UBAC2: variants seen among roughly 807,000 people sequenced by gnomAD.
UBAC2 encodes the protein ubiquitin-associated domain-containing protein 2.
A neutral mutation model predicts 44.0 loss-of-function variants in UBAC2; 26 were observed. That is an observed-to-expected ratio of 0.59 (90% CI 0.43 to 0.82). The LOEUF is 0.82. Among genes scored for constraint, UBAC2 ranks in the 40% least tolerant of loss-of-function variants. UBAC2 has a pLI of 0.00. For missense variants in UBAC2, 329 were observed against 419.4 expected (o/e 0.78, Z 1.88); for synonymous variants, 155 against 154.3 (o/e 1.00, Z -0.04).
chr13:99,233,057 T>C (rs1225907864), intron 1 of UBAC2, among the ~76,000 whole-genome samples: 4 of 152,176 alleles, frequency 2.6e-5, no homozygotes, highest in Non-Finnish European at 4.4e-5. Flanking sequence ...CTGAAAGAGC[T>C]AGAAGCATTG....
rs115297360 is a variant in UBAC2, at chr13:99,331,702, C to A, written c.562-8618C>A. 5.4e-3 allele frequency among the ~76,000 whole-genome samples: 821 copies of A among 152,286 alleles called. 6 individuals are homozygous for A. The highest frequency in any genetic ancestry group is 0.015 in the African/African-American group (643 of 41,536). Reference sequence around the variant, plus strand: ...TCTTTTCAAAATGTATGACAAATGGCAGAAATAACTTTGGGAATCCCTAAT... The same window carrying A: ...TCTTTTCAAAATGTATGACAAATGGAAGAAATAACTTTGGGAATCCCTAAT... On this transcript the variant is annotated intron_variant, in intron 6 of 8. Coordinates refer to ENST00000403766, the MANE Select transcript of UBAC2 (RefSeq NM_001144072.2).
chr13:99,274,176 C>T (rs1381112508), intron 4 of UBAC2, among the ~76,000 whole-genome samples: 1 of 152,118 alleles, frequency 6.6e-6, no homozygotes, highest in Non-Finnish European at 1.5e-5. Flanking sequence ...TGTTTTTAAA[C>T]TTTACATAAT....
intron 4 of UBAC2, among the ~76,000 whole-genome samples, chr13:99,288,243 G>A (rs1438999067): frequency 1.3e-5 from 2 of 152,156 alleles, no homozygotes; most frequent in Non-Finnish European, 2.9e-5. Context: ...TGAGAAAATG[G>A]ATAAAAGCCA....
chr13:99,274,112 C>T (rs1369638161), intron 4 of UBAC2, among the ~76,000 whole-genome samples: 1 of 152,110 alleles, frequency 6.6e-6, no homozygotes, highest in African/African-American at 2.4e-5. Flanking sequence ...CTTACAGTTA[C>T]TCCTTCCTCC....
At chr13:99,211,662 T>G (rs1383138489) in intron 1 of UBAC2, among the ~76,000 whole-genome samples, 1 of 152,218 alleles carries the variant, frequency 6.6e-6, no homozygotes, top group African/African-American at 2.4e-5. Flanking sequence ...TTAAGTAACT[T>G]TCCTGCTGAG....
chr13:99,370,323 A>G (rs189410221), intron 8 of UBAC2, among the ~76,000 whole-genome samples: 3 of 152,350 alleles, frequency 2.0e-5, no homozygotes, highest in Non-Finnish European at 4.4e-5. Flanking sequence ...AGCTATGGCC[A>G]AATAACAATT....
At chr13:99,206,997 T>A (rs2042880290) in intron 1 of UBAC2, among the ~76,000 whole-genome samples, 1 of 152,220 alleles carries the variant, frequency 6.6e-6, no homozygotes, top group Admixed American at 6.5e-5. Flanking sequence ...CTCCACCGAT[T>A]CTGAACTCTT....
intron 4 of UBAC2, among the ~76,000 whole-genome samples, chr13:99,313,771 G>T (rs573893314): frequency 6.6e-5 from 10 of 152,172 alleles, no homozygotes; most frequent in Non-Finnish European, 1.5e-4. Flanking sequence ...TGCTGCTTTC[G>T]ATTTGTCTAG....
At chr13:99,338,099 C>T (rs2044827290) in intron 6 of UBAC2, among the ~76,000 whole-genome samples, 1 of 119,674 alleles carries the variant, frequency 8.4e-6, no homozygotes, top group Non-Finnish European at 1.6e-5. Flanking sequence ...ACTGTGTCGC[C>T]CAGGCTGGAG....
intron 2 of UBAC2, among the ~76,000 whole-genome samples, chr13:99,242,415 C>T (rs1308335829): frequency 2.9e-4 from 41 of 140,390 alleles, no homozygotes; most frequent in African/African-American, 9.8e-4. Flanking sequence ...CGGGCAGAGG[C>T]GCCCCTCACC....
intron 8 of UBAC2, among the ~76,000 whole-genome samples, chr13:99,368,904 A>G (rs531346102): frequency 1.5e-4 from 23 of 151,826 alleles, no homozygotes; most frequent in Admixed American, 1.1e-3. Flanking sequence ...ATAGCCCTGG[A>G]TCATCGTGTG....
intron 7 of UBAC2, among the ~76,000 whole-genome samples, chr13:99,359,747 A>G (rs2045239311): frequency 6.6e-6 from 1 of 152,214 alleles, no homozygotes; most frequent in African/African-American, 2.4e-5. Flanking sequence ...TCCATAGCAC[A>G]CTGAGTAAGT....
chr13:99,211,003 C>G (rs893166100), intron 1 of UBAC2, among the ~76,000 whole-genome samples: 2 of 152,166 alleles, frequency 1.3e-5, no homozygotes, highest in African/African-American at 2.4e-5. Context: ...CCAAGAGCAT[C>G]TTAACTTTCA....
At chr13:99,345,172 T>C (rs1307768588) in intron 7 of UBAC2, among the ~76,000 whole-genome samples, 4 of 152,142 alleles carry the variant, frequency 2.6e-5, no homozygotes, top group African/African-American at 9.7e-5. Flanking sequence ...CCAGGAGCCC[T>C]GTGATTGACA....
chr13:99,375,499 C>T (rs1265107884), intron 8 of UBAC2, among the ~76,000 whole-genome samples: 3 of 152,102 alleles, frequency 2.0e-5, no homozygotes, highest in Non-Finnish European at 4.4e-5. Context: ...ACCCTGCACC[C>T]AGTGTGAGCT....
At chr13:99,317,393 C>T (rs553028553) in intron 5 of UBAC2, among the ~76,000 whole-genome samples, 2 of 152,026 alleles carry the variant, frequency 1.3e-5, no homozygotes, top group Non-Finnish European at 2.9e-5. Context: ...AAGATATAAA[C>T]GATTTGGAAA....
Position 99,214,603 on chromosome 13 carries a change from A to C in UBAC2, c.31+13664A>C, listed in dbSNP as rs367763416. 1.4e-3 allele frequency among the ~76,000 whole-genome samples: 217 copies of C among 151,916 alleles called. 2 individuals carry two copies. The highest frequency in any genetic ancestry group is 5.1e-3 in the African/African-American group (212 of 41,412). On this transcript the variant is annotated intron_variant, in intron 1 of 8. Transcript: ENST00000403766. ...ACTCCTGAGTGAAGCTGCCTTTCTT[A>C]TTACCCTCCTTGTCCGTTCCCCGTC...
chr13:99,207,376 TAAA>T lies in UBAC2; in HGVS notation c.31+6440_31+6442del, dbSNP rs1566446174. Among the ~76,000 whole-genome samples, 3 of 152,200 alleles carry T rather than the reference TAAA, an allele frequency of 2.0e-5. No individual in the cohort carries two copies. The South Asian group carries it at 6.2e-4, about 32-fold the overall frequency. ...TGGATCCTTCTTCTGAGCCTATTCT[TAAA>T]AATGCAAAAGTATAACCCATCCAAC... On this transcript the variant is annotated intron_variant, in intron 1 of 8. Transcript: ENST00000403766.
chr13:99,334,431 C>A (rs1237778328), intron 6 of UBAC2, among the ~76,000 whole-genome samples: 1 of 152,116 alleles, frequency 6.6e-6, no homozygotes, highest in African/African-American at 2.4e-5. Flanking sequence ...CATTCAACGT[C>A]TTTTCATTAC....
Sources: allele counts gnomAD v4.1 joint callset (sites outside exome capture counted in the v4.1 genomes callset), GRCh38; gene constraint gnomAD v4.1.1; transcripts MANE v1.5; gene names NCBI Gene and HGNC (gene_info 2026-07-23, HGNC 2026-07-21).